NEK10: variants seen among roughly 807,000 people sequenced by gnomAD.
NEK10 encodes serine/threonine-protein kinase Nek10.
Under a neutral mutation model 159.8 loss-of-function variants are expected in NEK10, and 122 were observed. The ratio of observed to expected loss-of-function variants is 0.76; its 90% CI spans 0.66 to 0.89. NEK10 has a LOEUF of 0.89. Ranked by LOEUF, NEK10 falls within the 40% of genes least tolerant of loss-of-function variation. The pLI is 0.00. For synonymous variants in NEK10, 466 were observed against 457.1 expected (o/e 1.02, Z -0.25); for missense variants, 1,342 against 1,323.1 (o/e 1.01, Z -0.22).
At chr3:27,203,848 C>T (rs913407521) in intron 23 of NEK10, among the ~76,000 whole-genome samples, 3 of 152,150 alleles carry the variant, frequency 2.0e-5, no homozygotes, top group Non-Finnish European at 4.4e-5. Context: ...AGTATGATTT[C>T]TAGGTCTATC....
At chr3:27,345,843 C>T (rs1356655850) in intron 4 of NEK10, among the ~76,000 whole-genome samples, 1 of 152,164 alleles carries the variant, frequency 6.6e-6, no homozygotes, top group Non-Finnish European at 1.5e-5. Context: ...TTGAGCAATG[C>T]CAAACGCATG....
chr3:27,330,043 AC>A (rs60050839), intron 5 of NEK10, among the ~76,000 whole-genome samples: 55,535 of 151,966 alleles, frequency 0.37, 12,494 homozygotes, highest in East Asian at 0.74. Context: ...CTATGTAAGT[AC>A]TTTTTATTGT....
At chr3:27,136,143 T>C in intron 31 of NEK10, among the ~76,000 whole-genome samples, 1 of 137,966 alleles carries the variant, frequency 7.2e-6, no homozygotes. Context: ...GATAGAGTCT[T>C]GCTCTGTCAC....
rs753156859 is a variant in NEK10 at position 27,174,635 on chromosome 3, T to G, written c.2689+15A>C. 3 of 1,603,354 alleles carry G rather than the reference T, an allele frequency of 1.9e-6. No individual in the cohort carries two copies. The highest frequency in any genetic ancestry group is 1.7e-5 in the Admixed American group (1 of 58,130). On this transcript the variant is annotated intron_variant, in intron 27 of 35. Coordinates refer to ENST00000691995, the MANE Select transcript of NEK10 (RefSeq NM_001394966.1). ...ACTAGCAGTACCTACGTTGACACAC[T>G]GCCACTAGCAGTACCTTTCTCAGCA...
intron 18 of NEK10, 41 bp from the exon 19 acceptor site, chr3:27,290,795 G>A (rs758739977): frequency 2.4e-5 from 36 of 1,487,944 alleles, no homozygotes; most frequent in Non-Finnish European, 3.2e-5. Flanking sequence ...AAGGAACAGG[G>A]TAAAGAAGGA....
chr3:27,117,732 T>C (rs555832507), intron 33 of NEK10, among the ~76,000 whole-genome samples: 38 of 152,346 alleles, frequency 2.5e-4, no homozygotes, highest in African/African-American at 9.1e-4. Flanking sequence ...TACACCTTTG[T>C]CGGATAGATA....
rs1256763608 is a variant in NEK10 at position 27,171,800 on chromosome 3, G to A, written c.2831+19C>T. ...CTGCAAAATCAAAAAATATTTCTAG[G>A]AGTTCAATTTGCACCTACCTTGTTT... On this transcript the variant is annotated intron_variant, in intron 29 of 35. Transcript: ENST00000691995. The A allele has an allele frequency of 6.2e-7, 1 of 1,611,798 alleles. No homozygotes were observed.
intron 13 of NEK10, among the ~76,000 whole-genome samples, chr3:27,300,001 T>A (rs1356795828): frequency 6.6e-6 from 1 of 152,218 alleles, no homozygotes; most frequent in South Asian, 2.1e-4. Flanking sequence ...GAGTTAATGC[T>A]GAAATGAGTT....
chr3:27,163,050 G>A (rs1439021411), intron 29 of NEK10, among the ~76,000 whole-genome samples: 1 of 151,876 alleles, frequency 6.6e-6, no homozygotes, highest in Non-Finnish European at 1.5e-5. Flanking sequence ...TGCACTAAAA[G>A]GATATAAGAT....
intron 23 of NEK10, among the ~76,000 whole-genome samples, chr3:27,227,786 T>C (rs756603526): frequency 6.6e-5 from 10 of 152,252 alleles, no homozygotes; most frequent in Non-Finnish European, 1.3e-4. Context: ...GTTTTTCTAA[T>C]TGTACATAAA....
chr3:27,331,830 C>G (rs2046442493), intron 5 of NEK10, among the ~76,000 whole-genome samples: 1 of 152,232 alleles, frequency 6.6e-6, no homozygotes, highest in African/African-American at 2.4e-5. Context: ...AAACATTTCT[C>G]ACCTAGACTT....
At chr3:27,186,377 G>C (rs1948624827) in intron 26 of NEK10, among the ~76,000 whole-genome samples, 1 of 152,220 alleles carries the variant, frequency 6.6e-6, no homozygotes, top group Admixed American at 6.5e-5. Flanking sequence ...TATAATAGAT[G>C]CAAGGGTAGC....
intron 26 of NEK10, among the ~76,000 whole-genome samples, chr3:27,187,744 G>A (rs1306142811): frequency 6.8e-6 from 1 of 146,278 alleles, no homozygotes; most frequent in Middle Eastern, 3.5e-3. Flanking sequence ...CTGGGCGACA[G>A]AGTGAGACTC....
chr3:27,236,023 A>G (rs1405215370), intron 23 of NEK10, among the ~76,000 whole-genome samples: 1 of 152,226 alleles, frequency 6.6e-6, no homozygotes, highest in East Asian at 1.9e-4. Flanking sequence ...GCTGGAGGCC[A>G]TTATCATTAG....
chr3:27,214,558 G>GTT (rs71624662), intron 23 of NEK10, among the ~76,000 whole-genome samples: 1 of 121,070 alleles, frequency 8.3e-6, no homozygotes, highest in African/African-American at 2.9e-5. Context: ...TCTTTTTTTT[G>GTT]TTTTTCCTAT....
chr3:27,295,548 A>T (rs1332015098), intron 15 of NEK10, 65 bp downstream of exon 15: 1 of 1,512,216 alleles, frequency 6.6e-7, no homozygotes, highest in African/African-American at 1.4e-5. Context: ...ATCATAGATC[A>T]TTTTACCATA....
At chr3:27,287,281 C>G (rs1448808500) in intron 20 of NEK10, among the ~76,000 whole-genome samples, 2 of 152,120 alleles carry the variant, frequency 1.3e-5, no homozygotes, top group Non-Finnish European at 2.9e-5. Context: ...TTTACCTGAA[C>G]TTCAGGTAAA....
intron 22 of NEK10, among the ~76,000 whole-genome samples, chr3:27,267,806 AC>A (rs2041028926): frequency 6.6e-6 from 1 of 152,170 alleles, no homozygotes; most frequent in South Asian, 2.1e-4. Context: ...TACATCTCTG[AC>A]TTTTGATCAA....
intron 5 of NEK10, among the ~76,000 whole-genome samples, chr3:27,333,645 C>T (rs1276461438): frequency 6.6e-6 from 1 of 152,154 alleles, no homozygotes; most frequent in Non-Finnish European, 1.5e-5. Flanking sequence ...TGAGCTGCTG[C>T]CCTCAGGGCT....
Sources: gnomAD v4.1 joint callset for allele counts (sites outside exome capture counted in the v4.1 genomes callset) on GRCh38, gnomAD v4.1.1 for gene constraint, MANE v1.5 for transcripts, NCBI Gene and HGNC (gene_info 2026-07-23, HGNC 2026-07-21) for gene names.